Variants in PLCG2 observed in about 807,000 individuals in gnomAD.
PLCG2 encodes the protein phospholipase C gamma 2.
PLCG2 carries 69 observed loss-of-function variants against 175.6 expected under a neutral mutation model. The observed-to-expected ratio is 0.39, with a 90% CI of 0.32 to 0.48. The LOEUF is 0.48. Ranked by LOEUF, PLCG2 falls within the 20% of genes least tolerant of loss-of-function variation. PLCG2 has a pLI of 0.91. For missense variants in PLCG2, 1,798 were observed against 1,650.9 expected, an observed-to-expected ratio of 1.09 and a Z score of -1.54; for synonymous variants, 827 against 624.0, an observed-to-expected ratio of 1.33 and a Z score of -4.85.
At chr16:81,783,095 C>G (rs771213523) in intron 1 of PLCG2, 2 of 477,068 alleles carry the variant, frequency 4.2e-6, no homozygotes, top group Non-Finnish European at 8.4e-6. Flanking sequence ...CTGGAAAGAA[C>G]TGAGGAGCCT....
intron 5 of PLCG2, among the ~76,000 whole-genome samples, chr16:81,864,505 T>A (rs545246628): frequency 6.6e-6 from 1 of 152,332 alleles, no homozygotes; most frequent in South Asian, 2.1e-4. Context: ...GATCTCACAC[T>A]AACTCATTGT....
At chr16:81,892,024 G>A (rs113445158) in intron 11 of PLCG2, among the ~76,000 whole-genome samples, 319 of 152,336 alleles carry the variant, frequency 2.1e-3, no homozygotes, top group Middle Eastern at 0.02. Context: ...GTCCTCATGT[G>A]CTGGGAGGAA....
chr16:81,844,143 ATTTTTTTTTT>A (rs60183943), intron 2 of PLCG2, among the ~76,000 whole-genome samples: 1 of 93,910 alleles, frequency 1.1e-5, no homozygotes, highest in African/African-American at 4.1e-5. Flanking sequence ...CACCCGGCTG[ATTTTTTTTTT>A]TTTTTTTTTT....
At chr16:81,935,440 C>G (rs929428128) in intron 26 of PLCG2, 1 of 740,000 alleles carries the variant, frequency 1.4e-6, no homozygotes, top group African/African-American at 1.9e-5. Flanking sequence ...AAAAAAAAGA[C>G]CTTCTACCAC....
intron 1 of PLCG2, among the ~76,000 whole-genome samples, chr16:81,744,268 C>G (rs1021769049): frequency 6.6e-6 from 1 of 150,708 alleles, no homozygotes; most frequent in Admixed American, 6.6e-5. Flanking sequence ...CCTGGGTTCA[C>G]GCCATTCTGC....
intron 2 of PLCG2, among the ~76,000 whole-genome samples, chr16:81,852,655 C>T (rs56188311): frequency 0.2 from 30,541 of 152,098 alleles, 3,116 homozygotes; most frequent in Non-Finnish European, 0.22. Context: ...GGATTTCTTA[C>T]TTGTTTCTGT....
chr16:81,913,400 G>C (rs1401814070), intron 19 of PLCG2, among the ~76,000 whole-genome samples: 1 of 152,220 alleles, frequency 6.6e-6, no homozygotes, highest in South Asian at 2.1e-4. Flanking sequence ...GCCTGTGAGA[G>C]GTAGGTCTAG....
Position 81,936,326 on chromosome 16 carries a change from C to T in PLCG2, c.3000C>T (p.Phe1000=), listed in dbSNP as rs543020496. 3 of 1,614,114 alleles carry T rather than the reference C, an allele frequency of 1.9e-6. No individual in the cohort carries two copies. Among genetic ancestry groups the T allele is most frequent in the Non-Finnish European group, 2.5e-6 (3 of 1,180,054 alleles). The change falls in exon 27 of 33, where the codon TTC becomes TTT. Residue 1000 remains phenylalanine, a synonymous_variant. Transcript: ENST00000564138. ...QRVDSSNYDP[F]RLWLCGSQMV... ...TTGACTCTTCAAACTACGACCCCTT[C>T]CGCCTCTGGCTGTGCGGTTCTCAGA...
At chr16:81,883,937 C>A (rs1302052301) in intron 9 of PLCG2, among the ~76,000 whole-genome samples, 1 of 152,180 alleles carries the variant, frequency 6.6e-6, no homozygotes, top group Non-Finnish European at 1.5e-5. Context: ...GGGCAGTGTC[C>A]AGAGACGACA....
chr16:81,836,549 T>G (rs529108772), intron 2 of PLCG2, among the ~76,000 whole-genome samples: 1 of 152,284 alleles, frequency 6.6e-6, no homozygotes, highest in South Asian at 2.1e-4. Context: ...GAGACCAGCC[T>G]GGTTAACATG....
At chr16:81,831,278 TCC>T (rs913225112) in intron 2 of PLCG2, among the ~76,000 whole-genome samples, 1 of 152,228 alleles carries the variant, frequency 6.6e-6, no homozygotes, top group Non-Finnish European at 1.5e-5. Context: ...CATAGCTGTA[TCC>T]CCAGCTCCCA....
chr16:81,925,501 G>C (rs1910225877), intron 22 of PLCG2, among the ~76,000 whole-genome samples: 1 of 152,186 alleles, frequency 6.6e-6, no homozygotes, highest in East Asian at 1.9e-4. Flanking sequence ...GTCTCTGCTA[G>C]GTGAATTGGT....
chr16:81,787,440 C>G (rs1376304600), intron 2 of PLCG2, among the ~76,000 whole-genome samples: 1 of 121,638 alleles, frequency 8.2e-6, no homozygotes, highest in Non-Finnish European at 1.6e-5. Context: ...TATGTCCAGG[C>G]TTGTCTCCAA....
At chr16:81,876,483 C>T (rs1309211888) in intron 7 of PLCG2, among the ~76,000 whole-genome samples, 1 of 152,154 alleles carries the variant, frequency 6.6e-6, no homozygotes, top group South Asian at 2.1e-4. Context: ...TTTCTTAGTG[C>T]CCTGGCCCCT....
intron 14 of PLCG2, among the ~76,000 whole-genome samples, chr16:81,901,036 A>G (rs1597118786): frequency 6.6e-6 from 1 of 152,208 alleles, no homozygotes; most frequent in African/African-American, 2.4e-5. Flanking sequence ...GCATGATGTG[A>G]GGGAAGGCGT....
intron 7 of PLCG2, among the ~76,000 whole-genome samples, chr16:81,880,681 A>G (rs1312670761): frequency 1.3e-5 from 2 of 152,230 alleles, no homozygotes; most frequent in African/African-American, 4.8e-5. Flanking sequence ...CTTAAGGGTG[A>G]CTGCTTCTTG....
intron 27 of PLCG2, 93 bp downstream of exon 27, chr16:81,936,471 G>A (rs1910718024): frequency 3.1e-6 from 3 of 953,406 alleles, no homozygotes; most frequent in Non-Finnish European, 3.4e-6. Context: ...ACCATGTGGT[G>A]TCCAAGAATG....
chr16:81,763,226 C>G (rs1209846383), intron 2 of PLCG2, among the ~76,000 whole-genome samples: 1 of 152,240 alleles, frequency 6.6e-6, no homozygotes, highest in Non-Finnish European at 1.5e-5. Context: ...GATGATTCTG[C>G]TGTAGCCCAG....
At chr16:81,884,233 C>T (rs899220352) in intron 9 of PLCG2, among the ~76,000 whole-genome samples, 1 of 152,170 alleles carries the variant, frequency 6.6e-6, no homozygotes, top group African/African-American at 2.4e-5. Context: ...TGCCTGTAAT[C>T]CCAGCTACCT....
Sources: allele counts gnomAD v4.1 joint callset (sites outside exome capture counted in the v4.1 genomes callset), GRCh38; gene constraint gnomAD v4.1.1; transcripts MANE v1.5; gene names NCBI Gene and HGNC (gene_info 2026-07-23, HGNC 2026-07-21).